PLXDC2: variants seen among roughly 807,000 people sequenced by gnomAD.
The protein encoded by PLXDC2 is plexin domain-containing protein 2.
A neutral mutation model predicts 68.9 loss-of-function variants in PLXDC2; 40 were observed. The ratio of observed to expected loss-of-function variants is 0.58; its 90% CI spans 0.45 to 0.76. PLXDC2 has a LOEUF of 0.76. Ranked by LOEUF, PLXDC2 falls within the 30% of genes least tolerant of loss-of-function variation. The probability of loss-of-function intolerance (pLI) is 0.00; values close to 1 mark genes in which losing one functional copy is unlikely to be tolerated. For synonymous variants in PLXDC2, 243 were observed against 234.2 expected (o/e 1.04, Z -0.34); for missense variants, 644 against 661.9 (o/e 0.97, Z 0.30).
chr10:19,883,057 C>T (rs370265252), intron 1 of PLXDC2, among the ~76,000 whole-genome samples: 53 of 150,894 alleles, frequency 3.5e-4, no homozygotes, highest in East Asian at 2.9e-3. Flanking sequence ...CCCGGGTTCA[C>T]GCCGTTCTCC....
chr10:20,152,153 AT>A (rs1379588633), intron 6 of PLXDC2, among the ~76,000 whole-genome samples: 10 of 152,196 alleles, frequency 6.6e-5, no homozygotes, highest in East Asian at 1.9e-4. Context: ...CAATAGCATA[AT>A]TTTTTTGCAG....
At chr10:20,062,645 T>G (rs1836127378) in intron 3 of PLXDC2, among the ~76,000 whole-genome samples, 1 of 152,106 alleles carries the variant, frequency 6.6e-6, no homozygotes, top group African/African-American at 2.4e-5. Context: ...GTGTGTTTTA[T>G]GATGAGTAAA....
At chr10:20,040,406 T>C (rs1835662961) in intron 2 of PLXDC2, among the ~76,000 whole-genome samples, 2 of 152,312 alleles carry the variant, frequency 1.3e-5, no homozygotes, top group Middle Eastern at 6.8e-3. Context: ...AATACCATTT[T>C]TTGTACATGT....
At chr10:19,965,891 A>G (rs1309824004) in intron 1 of PLXDC2, among the ~76,000 whole-genome samples, 4 of 152,132 alleles carry the variant, frequency 2.6e-5, no homozygotes, top group Admixed American at 6.5e-5. Context: ...GTAGTCCTCA[A>G]TGGATTGACA....
chr10:20,095,863 G>A (rs1051745675), intron 4 of PLXDC2, among the ~76,000 whole-genome samples: 2 of 152,164 alleles, frequency 1.3e-5, no homozygotes, highest in Non-Finnish European at 2.9e-5. Flanking sequence ...TGTTTCTGAA[G>A]ATGAGATGAC....
At chr10:20,005,698 TC>T (rs1443458316) in intron 2 of PLXDC2, among the ~76,000 whole-genome samples, 1 of 152,016 alleles carries the variant, frequency 6.6e-6, no homozygotes, top group Non-Finnish European at 1.5e-5. Flanking sequence ...CTGCACATTT[TC>T]AAACAACCAG....
chr10:20,269,703 G>A (rs574244972), intron 13 of PLXDC2, among the ~76,000 whole-genome samples: 1 of 152,216 alleles, frequency 6.6e-6, no homozygotes, highest in African/African-American at 2.4e-5. Flanking sequence ...CAAGCAGCGA[G>A]AATCAGTGAT....
chr10:19,940,234 A>G (rs1833795688), intron 1 of PLXDC2, among the ~76,000 whole-genome samples: 1 of 149,650 alleles, frequency 6.7e-6, no homozygotes, highest in African/African-American at 2.6e-5. Context: ...AGAACCTTGA[A>G]CATAGTCATG....
chr10:20,262,645 A>G (rs1835823648), intron 13 of PLXDC2, among the ~76,000 whole-genome samples: 1 of 152,178 alleles, frequency 6.6e-6, no homozygotes, highest in Non-Finnish European at 1.5e-5. Context: ...CGGGTACCGA[A>G]TCCCGTACCT....
At chr10:20,215,926 G>A (rs1382821525) in intron 10 of PLXDC2, among the ~76,000 whole-genome samples, 2 of 152,058 alleles carry the variant, frequency 1.3e-5, no homozygotes, top group Non-Finnish European at 2.9e-5. Flanking sequence ...CATAATGGGA[G>A]AGGTGATTAG....
intron 4 of PLXDC2, among the ~76,000 whole-genome samples, chr10:20,096,003 T>C (rs1833344180): frequency 6.6e-6 from 1 of 152,200 alleles, no homozygotes; most frequent in African/African-American, 2.4e-5. Context: ...GGAGACATAG[T>C]ATGCAGTTTT....
chr10:20,159,921 C>T (rs1197907349), intron 6 of PLXDC2, among the ~76,000 whole-genome samples: 1 of 152,124 alleles, frequency 6.6e-6, no homozygotes, highest in African/African-American at 2.4e-5. Context: ...TCCTAGAGAT[C>T]CCTGTTCCTC....
At chr10:20,227,649 A>T (rs900584335) in intron 12 of PLXDC2, among the ~76,000 whole-genome samples, 1 of 152,138 alleles carries the variant, frequency 6.6e-6, no homozygotes, top group African/African-American at 2.4e-5. Context: ...CAGCATTCAT[A>T]GTCTTTTACG....
chr10:19,869,067 T>C (rs1837481970), intron 1 of PLXDC2, among the ~76,000 whole-genome samples: 1 of 152,022 alleles, frequency 6.6e-6, no homozygotes, highest in African/African-American at 2.4e-5. Context: ...GAACTCAGGG[T>C]TCAAGATTTG....
chr10:20,083,466 G>GAA (rs144535178), intron 4 of PLXDC2, among the ~76,000 whole-genome samples: 1 of 135,420 alleles, frequency 7.4e-6, no homozygotes, highest in African/African-American at 2.7e-5. Flanking sequence ...AACAGAGCGA[G>GAA]ACTCCGTCTC....
At chr10:19,894,089 A>G (rs1366289281) in intron 1 of PLXDC2, among the ~76,000 whole-genome samples, 9 of 152,176 alleles carry the variant, frequency 5.9e-5, no homozygotes, top group Non-Finnish European at 1.5e-5. Flanking sequence ...TAGCCTGGAC[A>G]CAGCACCACA....
chr10:19,903,398 T>A (rs1290188086), intron 1 of PLXDC2, among the ~76,000 whole-genome samples: 1 of 151,886 alleles, frequency 6.6e-6, no homozygotes, highest in African/African-American at 2.4e-5. Context: ...CCTGGTTTAA[T>A]CTGGGAGGGT....
rs529386439 is a variant in PLXDC2 at position 20,064,716 on chromosome 10, C to A, written c.472-3454C>A. On this transcript the variant is annotated intron_variant, in intron 3 of 13. Transcript: ENST00000377252. ...TGGTGACCTGTGGTTCACCAGTCAA[C>A]CAGCTAGAAATCTTAGAAACCTGTG... 8.5e-5 allele frequency among the ~76,000 whole-genome samples: 13 copies of A among 152,268 alleles called. No individual in the cohort carries two copies. In the East Asian group the frequency reaches 1.2e-3, roughly 14 times the overall value.
intron 1 of PLXDC2, among the ~76,000 whole-genome samples, chr10:19,913,436 T>C (rs181230611): frequency 1.5e-3 from 221 of 152,270 alleles, no homozygotes; most frequent in African/African-American, 5.1e-3. Flanking sequence ...AATTACCCAG[T>C]ATTAGGTATT....
Sources: allele counts gnomAD v4.1 joint callset (sites outside exome capture counted in the v4.1 genomes callset), GRCh38; gene constraint gnomAD v4.1.1; transcripts MANE v1.5; gene names NCBI Gene and HGNC (gene_info 2026-07-23, HGNC 2026-07-21).